ATP10A: variants seen among roughly 807,000 people sequenced by gnomAD.
The protein encoded by ATP10A is phospholipid-transporting ATPase VA.
ATP10A carries 111 observed loss-of-function variants against 147.8 expected under a neutral mutation model. That is an observed-to-expected ratio of 0.75 (90% CI 0.64 to 0.88). The LOEUF is 0.88. Ranked by LOEUF, ATP10A falls within the 40% of genes least tolerant of loss-of-function variation. The probability of loss-of-function intolerance (pLI) is 0.00; values close to 1 mark genes in which losing one functional copy is unlikely to be tolerated. For missense variants in ATP10A, 1,927 were observed against 1,959.0 expected, an observed-to-expected ratio of 0.98 and a Z score of 0.31; for synonymous variants, 875 against 841.6, an observed-to-expected ratio of 1.04 and a Z score of -0.69.
At chr15:25,774,889 TAC>T (rs978545805) in intron 2 of ATP10A, among the ~76,000 whole-genome samples, 2 of 152,222 alleles carry the variant, frequency 1.3e-5, no homozygotes, top group Non-Finnish European at 2.9e-5. Flanking sequence ...TCTTTCCTGT[TAC>T]AGATTTAATG....
chr15:25,768,470 C>T (rs990682836), intron 2 of ATP10A, among the ~76,000 whole-genome samples: 2 of 152,018 alleles, frequency 1.3e-5, no homozygotes, highest in Admixed American at 1.3e-4. Flanking sequence ...CAACCCCAGA[C>T]CCAGGTCCAG....
intron 1 of ATP10A, among the ~76,000 whole-genome samples, chr15:25,860,340 C>T (rs139347614): frequency 9.8e-5 from 15 of 152,304 alleles, no homozygotes; most frequent in African/African-American, 2.6e-4. Flanking sequence ...AGACATGGAG[C>T]CTGCATCCCG....
chr15:25,823,224 AC>A (rs1435581438), intron 1 of ATP10A, among the ~76,000 whole-genome samples: 1 of 152,236 alleles, frequency 6.6e-6, no homozygotes, highest in Non-Finnish European at 1.5e-5. Flanking sequence ...GGCATTAGCA[AC>A]AGAAAAAAAC....
intron 5 of ATP10A, among the ~76,000 whole-genome samples, chr15:25,724,986 G>A (rs917423140): frequency 1.3e-5 from 2 of 152,194 alleles, no homozygotes; most frequent in African/African-American, 4.8e-5. Context: ...GTGATTTAAA[G>A]CAGGGGTCCC....
intron 2 of ATP10A, among the ~76,000 whole-genome samples, chr15:25,780,530 A>C (rs746061471): frequency 2.0e-5 from 3 of 152,120 alleles, no homozygotes; most frequent in African/African-American, 2.4e-5. Context: ...GCTTCCCTCC[A>C]GCCTCTCACC....
rs749215241 is a variant in ATP10A, at chr15:25,680,855, C to T, written c.3633G>A (p.Ala1211=). Residue 1211 remains alanine, a synonymous_variant, in exon 19 of 21, where the codon GCG becomes GCA. Coordinates refer to ENST00000555815, the MANE Select transcript of ATP10A (RefSeq NM_024490.4). Reference sequence around the variant, plus strand: ...CCAGGTGGAGCAGGAAAGTGAGCAGCGCGATTGTCACAATAGGGGTCCCCC... The same window carrying T: ...CCAGGTGGAGCAGGAAAGTGAGCAGTGCGATTGTCACAATAGGGGTCCCCC... ...FTWGTPIVTI[A]LLTFLLHLGI... is the part of the protein sequence containing the mutation. The T allele has an allele frequency of 1.3e-5, 21 of 1,613,820 alleles. No homozygotes were observed. The highest frequency in any genetic ancestry group is 1.5e-5 in the Non-Finnish European group (18 of 1,180,016).
At chr15:25,780,116 C>G (rs149201978) in intron 2 of ATP10A, among the ~76,000 whole-genome samples, 2,304 of 152,374 alleles carry the variant, frequency 0.015, 24 homozygotes, top group Middle Eastern at 0.034. Context: ...ACAGTGCCCT[C>G]GCTGAGGTCC....
intron 1 of ATP10A, chr15:25,841,403 GTTC>G (rs1207500790): frequency 6.6e-6 from 1 of 151,656 alleles, no homozygotes; most frequent in East Asian, 1.9e-4. Flanking sequence ...TTATTTCTGG[GTTC>G]TTCACTCTGG....
chr15:25,839,814 C>T (rs1377459696), intron 1 of ATP10A, among the ~76,000 whole-genome samples: 1 of 152,158 alleles, frequency 6.6e-6, no homozygotes, highest in East Asian at 1.9e-4. Flanking sequence ...CCCAGCCTCC[C>T]CTAAGGCCAC....
At chr15:25,847,468 C>T (rs1893072238) in intron 1 of ATP10A, among the ~76,000 whole-genome samples, 1 of 152,124 alleles carries the variant, frequency 6.6e-6, no homozygotes, top group African/African-American at 2.4e-5. Context: ...GAAGTTTTAT[C>T]ACTAAGTATT....
Position 25,835,311 on chromosome 15 carries a change from T to C in ATP10A, c.449+27337A>G, listed in dbSNP as rs1047675537. 4.6e-5 allele frequency among the ~76,000 whole-genome samples: 7 copies of C among 152,262 alleles called. No individual in the cohort carries two copies. In the South Asian group the frequency reaches 1.2e-3, roughly 27 times the overall value. On this transcript the variant is annotated intron_variant, in intron 1 of 20. Transcript: ENST00000555815. ...TTAATTTAAAATGTTCTAAAGTTGATTGTGGCAATGGATGCAAAACTCTCC... is the reference window on the plus strand; with the variant it reads ...TTAATTTAAAATGTTCTAAAGTTGACTGTGGCAATGGATGCAAAACTCTCC...
intron 1 of ATP10A, among the ~76,000 whole-genome samples, chr15:25,854,969 G>A (rs1456058086): frequency 6.6e-6 from 1 of 150,766 alleles, no homozygotes. Context: ...TGAGGCAGGA[G>A]AATCGCTTGA....
chr15:25,680,749 G>C, intron 19 of ATP10A, 61 bp downstream of exon 19: 1 of 1,467,232 alleles, frequency 6.8e-7, no homozygotes, highest in Non-Finnish European at 9.5e-7. Flanking sequence ...AATCTGCAGG[G>C]AAGTGTGGGG....
intron 16 of ATP10A, among the ~76,000 whole-genome samples, chr15:25,685,938 C>T (rs1567299501): frequency 6.6e-6 from 1 of 152,136 alleles, no homozygotes; most frequent in Non-Finnish European, 1.5e-5. Flanking sequence ...TTCATCCCTC[C>T]ACTCCTTCGG....
intron 10 of ATP10A, chr15:25,709,694 C>G (rs1038886508): frequency 6.6e-6 from 1 of 152,292 alleles, no homozygotes; most frequent in Non-Finnish European, 1.5e-5. Context: ...ACAGGGAGCA[C>G]CTGGCCCTGC....
intron 3 of ATP10A, among the ~76,000 whole-genome samples, chr15:25,731,940 G>C (rs1886961032): frequency 6.6e-6 from 1 of 151,764 alleles, no homozygotes; most frequent in African/African-American, 2.4e-5. Flanking sequence ...ACTGCAGCCT[G>C]GACCTCCTGA....
chr15:25,783,261 C>G (rs1295838823), intron 1 of ATP10A, among the ~76,000 whole-genome samples: 1 of 152,178 alleles, frequency 6.6e-6, no homozygotes, highest in Non-Finnish European at 1.5e-5. Context: ...CCATAACCAT[C>G]TTACTAATCC....
At chr15:25,756,935 T>C (rs1888445889) in intron 2 of ATP10A, among the ~76,000 whole-genome samples, 2 of 152,180 alleles carry the variant, frequency 1.3e-5, no homozygotes, top group South Asian at 4.1e-4. Context: ...TAGCTCAATG[T>C]CAAATAAAAT....
At chr15:25,860,037 C>A (rs1893688288) in intron 1 of ATP10A, among the ~76,000 whole-genome samples, 1 of 151,862 alleles carries the variant, frequency 6.6e-6, no homozygotes, top group Non-Finnish European at 1.5e-5. Context: ...TGCGTCTGGT[C>A]TTCTCTGCAG....
Sources: gnomAD v4.1 joint callset for allele counts (sites outside exome capture counted in the v4.1 genomes callset) on GRCh38, gnomAD v4.1.1 for gene constraint, MANE v1.5 for transcripts, NCBI Gene and HGNC (gene_info 2026-07-23, HGNC 2026-07-21) for gene names.